The following CPAP variants were observed in gnomAD, a reference collection of about 807,000 sequenced individuals.
CPAP encodes the protein centrosomal P4.1-associated protein.
At chr13:24,888,232 T>G in the CPAP span, among the ~76,000 whole-genome samples, 1 of 151,606 alleles carries the variant, frequency 6.6e-6, no homozygotes, top group Non-Finnish European at 1.5e-5. Flanking sequence ...GACTAGTAAA[T>G]TCAACATTAC....
the CPAP span, among the ~76,000 whole-genome samples, chr13:24,917,118 C>T: frequency 2.6e-5 from 4 of 151,944 alleles, no homozygotes; most frequent in East Asian, 1.9e-4. Flanking sequence ...GGGGTGGTGG[C>T]GGGCACCTGT....
At chr13:24,928,209 A>C in the CPAP span, among the ~76,000 whole-genome samples, 5 of 152,054 alleles carry the variant, frequency 3.3e-5, no homozygotes, top group African/African-American at 1.2e-4. Flanking sequence ...GTGTCTGAGT[A>C]CTCCTTTCAT....
the CPAP span, among the ~76,000 whole-genome samples, chr13:24,893,148 G>A: frequency 6.6e-6 from 1 of 152,164 alleles, no homozygotes; most frequent in African/African-American, 2.4e-5. Context: ...AGGTAGGAAA[G>A]ACCTCACCTG....
At chr13:24,890,529 A>C in the CPAP span, among the ~76,000 whole-genome samples, 1 of 152,154 alleles carries the variant, frequency 6.6e-6, no homozygotes, top group African/African-American at 2.4e-5. Flanking sequence ...CTCTTGTCAC[A>C]CACACTGTCA....
chr13:24,906,844 ACTTT>A, the CPAP span: 1 of 1,614,146 alleles, frequency 6.2e-7, no homozygotes, highest in Non-Finnish European at 8.5e-7. Flanking sequence ...TCACTAGTTT[ACTTT>A]CTTTGCCTTT....
chr13:24,889,685 G>A, the CPAP span, among the ~76,000 whole-genome samples: 6 of 152,080 alleles, frequency 3.9e-5, no homozygotes, highest in Non-Finnish European at 5.9e-5. Flanking sequence ...AGCAGAGGAG[G>A]AGCACACAGG....
chr13:24,883,646 G>A, the CPAP span, among the ~76,000 whole-genome samples: 1 of 152,112 alleles, frequency 6.6e-6, no homozygotes, highest in Non-Finnish European at 1.5e-5. Context: ...TATATTAAAA[G>A]GGACCCTTCT....
At chr13:24,900,831 A>G in the CPAP span, among the ~76,000 whole-genome samples, 1 of 152,278 alleles carries the variant, frequency 6.6e-6, no homozygotes, top group South Asian at 2.1e-4. Context: ...TCGGGTTAGA[A>G]ATGGACTGAG....
At chr13:24,906,555 C>T in the CPAP span, 1 of 1,614,196 alleles carries the variant, frequency 6.2e-7, no homozygotes, top group Admixed American at 1.7e-5. Context: ...TTAGATGTGA[C>T]TTTGTTTTCA....
chr13:24,883,443 A>G, the CPAP span: 46 of 1,258,836 alleles, frequency 3.7e-5, no homozygotes, highest in East Asian at 1.2e-3. Flanking sequence ...AACTACTGAA[A>G]AGTAGCCTTT....
the CPAP span, chr13:24,885,291 A>G: frequency 1.9e-6 from 3 of 1,606,032 alleles, no homozygotes; most frequent in African/African-American, 1.3e-5. Flanking sequence ...CATCAGGATG[A>G]CTGATTTCTC....
the CPAP span, chr13:24,905,752 A>C: frequency 3.0e-5 from 48 of 1,614,138 alleles, no homozygotes; most frequent in African/African-American, 6.1e-4. Context: ...CGCTACTGTA[A>C]TCTTTATCAG....
chr13:24,906,478 T>C, the CPAP span: 2 of 1,614,184 alleles, frequency 1.2e-6, no homozygotes, highest in Non-Finnish European at 1.7e-6. Context: ...CTTTACCTTG[T>C]GTCTTATTCC....
chr13:24,900,642 CA>C, the CPAP span, among the ~76,000 whole-genome samples: 4 of 150,842 alleles, frequency 2.7e-5, no homozygotes, highest in Non-Finnish European at 5.9e-5. Flanking sequence ...AACTCCATCT[CA>C]AAAAAAAAGA....
the CPAP span, chr13:24,909,663 G>C: frequency 1.1e-6 from 1 of 897,466 alleles, no homozygotes; most frequent in Non-Finnish European, 1.7e-6. Context: ...ATTGAGTCCA[G>C]CCTGAGCAAC....
the CPAP span, among the ~76,000 whole-genome samples, chr13:24,909,597 C>A: frequency 6.6e-6 from 1 of 151,622 alleles, no homozygotes; most frequent in East Asian, 1.9e-4. Flanking sequence ...GTAGCACGTG[C>A]CTATAGTCCC....
At chr13:24,895,301 T>C in the CPAP span, among the ~76,000 whole-genome samples, 1 of 151,796 alleles carries the variant, frequency 6.6e-6, no homozygotes, top group Non-Finnish European at 1.5e-5. Flanking sequence ...CAAGGCCGGG[T>C]GTGGTGGCTC....
At chr13:24,930,211 T>C in the CPAP span, among the ~76,000 whole-genome samples, 1 of 152,220 alleles carries the variant, frequency 6.6e-6, no homozygotes, top group Non-Finnish European at 1.5e-5. Context: ...CATGCTATTG[T>C]ACTTTTTAAC....
chr13:24,929,087 A>G, the CPAP span, among the ~76,000 whole-genome samples: 1 of 152,056 alleles, frequency 6.6e-6, no homozygotes, highest in Non-Finnish European at 1.5e-5. Flanking sequence ...TTTTTTTTAG[A>G]TGGGGTGACT....
Sources: gnomAD v4.1 joint callset for allele counts (sites outside exome capture counted in the v4.1 genomes callset) on GRCh38, gnomAD v4.1.1 for gene constraint, MANE v1.5 for transcripts, NCBI Gene and HGNC (gene_info 2026-07-23, HGNC 2026-07-21) for gene names.